Variants in NBEA observed in about 807,000 individuals in gnomAD.
The protein encoded by NBEA is lysosomal-trafficking regulator 2.
A neutral mutation model predicts 343.4 loss-of-function variants in NBEA; 44 were observed. The observed-to-expected ratio is 0.13, with a 90% CI of 0.10 to 0.16. NBEA has a LOEUF of 0.16. NBEA is among the 10% of genes least tolerant of loss of function. The pLI is 1.00. For missense variants in NBEA, 2,555 were observed against 3,631.3 expected, an observed-to-expected ratio of 0.70 and a Z score of 7.62; for synonymous variants, 1,175 against 1,238.7, an observed-to-expected ratio of 0.95 and a Z score of 1.08.
chr13:35,244,822 A>G (rs1311519192), intron 34 of NBEA, among the ~76,000 whole-genome samples: 2 of 151,838 alleles, frequency 1.3e-5, no homozygotes, highest in Non-Finnish European at 2.9e-5. Context: ...TTTCTTGTAG[A>G]GTACTTTCAC....
At chr13:35,642,589 A>T (rs2084015455) in intron 49 of NBEA, among the ~76,000 whole-genome samples, 1 of 152,212 alleles carries the variant, frequency 6.6e-6, no homozygotes, top group South Asian at 2.1e-4. Context: ...GCCCCAAAGC[A>T]TATAAGAACC....
chr13:35,112,659 G>A (rs987327712), intron 13 of NBEA, among the ~76,000 whole-genome samples: 1 of 152,108 alleles, frequency 6.6e-6, no homozygotes, highest in African/African-American at 2.4e-5. Context: ...AAAGTTGCAA[G>A]CATTGCACAA....
chr13:35,233,543 G>A (rs1257042446), intron 34 of NBEA, among the ~76,000 whole-genome samples: 1 of 152,060 alleles, frequency 6.6e-6, no homozygotes, highest in Non-Finnish European at 1.5e-5. Flanking sequence ...CTATAAATTG[G>A]AGTCAGTGAT....
In NBEA at chr13:35,035,220, T is replaced by A. The variant is rs1160223723; in HGVS notation, c.295-5713T>A. 2.6e-5 allele frequency among the ~76,000 whole-genome samples: 4 copies of A among 151,982 alleles called. No homozygotes were observed. In the East Asian group the frequency reaches 5.8e-4, roughly 22 times the overall value. On this transcript the variant is annotated intron_variant, in intron 1 of 58. Coordinates refer to ENST00000379939, the MANE Select transcript of NBEA (RefSeq NM_001385012.1). The stretch of plus-strand genomic sequence containing the variant: ...AGGTTTTGGTATGTTGTGTTTCTGT[T>A]ATTATTAGTTTGAAGAAAATTTTCA...
chr13:35,256,563 C>T (rs1443892787), intron 34 of NBEA, among the ~76,000 whole-genome samples: 4 of 152,078 alleles, frequency 2.6e-5, no homozygotes, highest in Non-Finnish European at 5.9e-5. Context: ...CCTCCTACGC[C>T]GTCAACATGA....
intron 33 of NBEA, among the ~76,000 whole-genome samples, chr13:35,231,042 A>G (rs921272567): frequency 6.6e-6 from 1 of 152,074 alleles, no homozygotes; most frequent in East Asian, 1.9e-4. Context: ...AATTTCAGTA[A>G]GTCTGCCAAA....
intron 41 of NBEA, among the ~76,000 whole-genome samples, chr13:35,515,037 A>G (rs2152988890): frequency 6.6e-6 from 1 of 152,360 alleles, no homozygotes; most frequent in Non-Finnish European, 1.5e-5. Flanking sequence ...TAATCTTCAA[A>G]GAACGGGCAG....
intron 8 of NBEA, among the ~76,000 whole-genome samples, chr13:35,062,364 T>C (rs2063497730): frequency 6.6e-6 from 1 of 151,492 alleles, no homozygotes; most frequent in African/African-American, 2.4e-5. Flanking sequence ...ACCCTAGAGA[T>C]GGATGGGGCA....
At chr13:35,165,012 C>A (rs994689943) in intron 24 of NBEA, 3 of 494,494 alleles carry the variant, frequency 6.1e-6, no homozygotes, top group Admixed American at 2.5e-5. Flanking sequence ...AAAACAAATT[C>A]TTTGATTCAG....
At chr13:35,147,957 C>T (rs532208057) in intron 18 of NBEA, among the ~76,000 whole-genome samples, 1 of 152,266 alleles carries the variant, frequency 6.6e-6, no homozygotes, top group Admixed American at 6.5e-5. Context: ...TTGGCTGTTG[C>T]ACCCCATTTT....
intron 46 of NBEA, among the ~76,000 whole-genome samples, chr13:35,592,692 A>G (rs1406675292): frequency 6.6e-6 from 1 of 152,104 alleles, no homozygotes; most frequent in African/African-American, 2.4e-5. Context: ...GGTGAGAGAT[A>G]AGAGTTAAGC....
chr13:35,256,821 G>A (rs1200214639), intron 34 of NBEA, among the ~76,000 whole-genome samples: 5 of 152,208 alleles, frequency 3.3e-5, no homozygotes, highest in Non-Finnish European at 1.5e-5. Context: ...GGGAGCCCAG[G>A]CAGCGGGAGC....
chr13:35,236,326 AC>A (rs1254494446), intron 34 of NBEA, among the ~76,000 whole-genome samples: 33 of 152,264 alleles, frequency 2.2e-4, no homozygotes, highest in East Asian at 5.8e-4. Context: ...CTATAAAAAA[AC>A]ATTTCTTAAA....
At chr13:35,068,417 A>G (rs566184463) in intron 8 of NBEA, among the ~76,000 whole-genome samples, 1 of 152,298 alleles carries the variant, frequency 6.6e-6, no homozygotes, top group East Asian at 1.9e-4. Flanking sequence ...AATGGGATGT[A>G]CAAATGTTTC....
At position 35,266,389 on chromosome 13, in the gene NBEA, A is replaced by G. The variant is rs576222848; in HGVS notation, c.5777-24000A>G. 5.9e-5 allele frequency among the ~76,000 whole-genome samples: 9 copies of G among 151,982 alleles called. No homozygotes were observed. In the East Asian group the frequency reaches 1.5e-3, roughly 26 times the overall value. On this transcript the variant is annotated intron_variant, in intron 34 of 58. Transcript: ENST00000379939. The stretch of plus-strand genomic sequence containing the variant: ...ATGTCAAAGAGATATCTACACTCTC[A>G]TGTTTATTGTAGCATTTTTTCACAG...
At chr13:35,581,380 G>A (rs983441557) in intron 45 of NBEA, among the ~76,000 whole-genome samples, 1 of 151,992 alleles carries the variant, frequency 6.6e-6, no homozygotes, top group African/African-American at 2.4e-5. Flanking sequence ...CAGTGATGAT[G>A]AGCATTTTTT....
intron 49 of NBEA, among the ~76,000 whole-genome samples, chr13:35,641,841 C>A (rs2083969514): frequency 1.3e-5 from 2 of 152,010 alleles, no homozygotes; most frequent in Admixed American, 1.3e-4. Flanking sequence ...TATATACATA[C>A]ATATATACAT....
chr13:35,405,845 G>A (rs1285069002), intron 38 of NBEA, among the ~76,000 whole-genome samples: 2 of 152,132 alleles, frequency 1.3e-5, no homozygotes, highest in African/African-American at 4.8e-5. Flanking sequence ...TCTTCCAAGT[G>A]TGGTAATTGC....
At chr13:35,410,796 A>G (rs1009448287) in intron 38 of NBEA, among the ~76,000 whole-genome samples, 2 of 152,162 alleles carry the variant, frequency 1.3e-5, no homozygotes, top group East Asian at 1.9e-4. Context: ...TCAAGACTGC[A>G]TGATGCACTC....
Sources: allele counts gnomAD v4.1 joint callset (sites outside exome capture counted in the v4.1 genomes callset), GRCh38; gene constraint gnomAD v4.1.1; transcripts MANE v1.5; gene names NCBI Gene and HGNC (gene_info 2026-07-23, HGNC 2026-07-21).